DOK6: variants seen among roughly 807,000 people sequenced by gnomAD.
DOK6 encodes downstream of tyrosine kinase 6.
Under a neutral mutation model 44.0 loss-of-function variants are expected in DOK6, and 22 were observed. The ratio of observed to expected loss-of-function variants is 0.50; its 90% CI spans 0.36 to 0.71. The LOEUF is 0.71. Ranked by LOEUF, DOK6 falls within the 30% of genes least tolerant of loss-of-function variation. DOK6 has a pLI of 0.00. For synonymous variants in DOK6, 166 were observed against 145.5 expected, an observed-to-expected ratio of 1.14 and a Z score of -1.01; for missense variants, 340 against 416.4, an observed-to-expected ratio of 0.82 and a Z score of 1.60.
intron 7 of DOK6, among the ~76,000 whole-genome samples, chr18:69,820,421 T>C (rs1981535216): frequency 6.6e-6 from 1 of 152,186 alleles, no homozygotes; most frequent in Admixed American, 6.5e-5. Context: ...ACCAGTGGAC[T>C]TCAAGCAAGA....
At chr18:69,404,294 C>T (rs1916156243) in intron 1 of DOK6, among the ~76,000 whole-genome samples, 1 of 152,196 alleles carries the variant, frequency 6.6e-6, no homozygotes, top group South Asian at 2.1e-4. Context: ...AAGGCCCTTG[C>T]CCTGTGTCTC....
intron 4 of DOK6, among the ~76,000 whole-genome samples, chr18:69,680,436 T>G (rs1246672763): frequency 2.0e-5 from 3 of 152,258 alleles, no homozygotes; most frequent in African/African-American, 7.2e-5. Context: ...TCCATAACTT[T>G]TGATGATATC....
intron 7 of DOK6, among the ~76,000 whole-genome samples, chr18:69,774,155 T>TATATATATAA (rs1386335296): frequency 8.4e-6 from 1 of 118,400 alleles, no homozygotes; most frequent in Non-Finnish European, 1.9e-5. Context: ...TATATATATA[T>TATATATATAA]AATGTAATAC....
At chr18:69,444,401 T>G (rs758147019) in intron 1 of DOK6, among the ~76,000 whole-genome samples, 2 of 152,158 alleles carry the variant, frequency 1.3e-5, no homozygotes, top group Non-Finnish European at 2.9e-5. Flanking sequence ...GGGCACCATA[T>G]GGACTTGATT....
chr18:69,567,420 G>A (rs546133553), intron 2 of DOK6, among the ~76,000 whole-genome samples: 78 of 151,928 alleles, frequency 5.1e-4, no homozygotes, highest in Non-Finnish European at 6.2e-4. Flanking sequence ...TAACAAATTC[G>A]GTGATATAAA....
Position 69,734,146 on chromosome 18 carries a change from A to C in DOK6, c.600-4819A>C, listed in dbSNP as rs551889751. ...CAATGGAGGAAGATACATGGATTCA[A>C]ATTTTTTTTTTTCCAAATGACTACC... is the stretch of plus-strand genomic sequence containing the variant. On this transcript the variant is annotated intron_variant, in intron 5 of 7. Transcript: ENST00000382713. Among the ~76,000 whole-genome samples, 19 of 150,452 alleles carry C rather than the reference A, an allele frequency of 1.3e-4. No homozygotes were observed. The South Asian group carries it at 4.0e-3, about 32-fold the overall frequency.
intron 1 of DOK6, among the ~76,000 whole-genome samples, chr18:69,525,211 T>G (rs1568285310): frequency 6.6e-6 from 1 of 151,928 alleles, no homozygotes. Context: ...TTTTCTTTAT[T>G]ATGCATAATA....
intron 1 of DOK6, among the ~76,000 whole-genome samples, chr18:69,460,013 T>C (rs569243801): frequency 6.6e-6 from 1 of 152,344 alleles, no homozygotes; most frequent in African/African-American, 2.4e-5. Context: ...ATTAGTCGTT[T>C]TAATACTTAA....
At chr18:69,499,488 A>G (rs1599160529) in intron 1 of DOK6, among the ~76,000 whole-genome samples, 1 of 152,194 alleles carries the variant, frequency 6.6e-6, no homozygotes. Flanking sequence ...ACTTCAACAA[A>G]GGGCAGATTT....
At chr18:69,709,869 A>T (rs1599277275) in intron 5 of DOK6, among the ~76,000 whole-genome samples, 1 of 152,164 alleles carries the variant, frequency 6.6e-6, no homozygotes, top group Non-Finnish European at 1.5e-5. Context: ...TGGCCACTTG[A>T]TTTTTTAAAA....
intron 7 of DOK6, among the ~76,000 whole-genome samples, chr18:69,827,215 T>G (rs1981766558): frequency 6.6e-6 from 1 of 152,076 alleles, no homozygotes; most frequent in Non-Finnish European, 1.5e-5. Flanking sequence ...ATCCAATCTG[T>G]TTGGTAGAGT....
chr18:69,507,012 T>G (rs1981208896), intron 1 of DOK6, among the ~76,000 whole-genome samples: 1 of 152,040 alleles, frequency 6.6e-6, no homozygotes, highest in African/African-American at 2.4e-5. Context: ...TTGGTAATTA[T>G]AGGTTTTTGT....
chr18:69,447,485 A>G (rs1599135457), intron 1 of DOK6, among the ~76,000 whole-genome samples: 1 of 152,058 alleles, frequency 6.6e-6, no homozygotes, highest in Non-Finnish European at 1.5e-5. Flanking sequence ...AAGTCAGGTA[A>G]CGTGATGCCT....
intron 7 of DOK6, among the ~76,000 whole-genome samples, chr18:69,796,062 C>A (rs1980735974): frequency 6.6e-6 from 1 of 152,164 alleles, no homozygotes; most frequent in Admixed American, 6.6e-5. Context: ...ATTATCTGGG[C>A]AGCGGCAGTG....
At chr18:69,446,281 C>T (rs1374789085) in intron 1 of DOK6, among the ~76,000 whole-genome samples, 1 of 147,178 alleles carries the variant, frequency 6.8e-6, no homozygotes, top group African/African-American at 2.5e-5. Context: ...TGTTCAATTC[C>T]CACCTATGAG....
chr18:69,401,258 T>C lies in DOK6; in HGVS notation c.14T>C (p.Phe5Ser). The C allele has an allele frequency of 1.3e-6, 2 of 1,578,988 alleles. No homozygotes were observed. Among genetic ancestry groups the C allele is most frequent in the Non-Finnish European group, 1.7e-6 (2 of 1,163,522 alleles). ...ATCGCGCTGGCCATGGCCTCCAACT[T>C]TAACGACATAGTCAAGCAGGGCTAC... MASN[F>S]NDIVKQGYVK... Residue 5 changes from phenylalanine (F) to serine (S), a missense_variant, in exon 1 of 8, where the codon TTT (phenylalanine) becomes TCT (serine). Phe to Ser is a radical substitution (Grantham distance 155, BLOSUM62 -2). Transcript: ENST00000382713.
intron 1 of DOK6, among the ~76,000 whole-genome samples, chr18:69,456,174 A>C (rs1451596976): frequency 6.6e-6 from 1 of 152,126 alleles, no homozygotes; most frequent in African/African-American, 2.4e-5. Flanking sequence ...ATTATGTCAA[A>C]AATTAAGCCT....
intron 1 of DOK6, among the ~76,000 whole-genome samples, chr18:69,440,005 T>C (rs1568258257): frequency 6.6e-6 from 1 of 152,210 alleles, no homozygotes; most frequent in Non-Finnish European, 1.5e-5. Flanking sequence ...TTGTAGCTTT[T>C]GATTTTGAAG....
chr18:69,663,797 T>C (rs1169386748), intron 3 of DOK6, among the ~76,000 whole-genome samples: 1 of 152,204 alleles, frequency 6.6e-6, no homozygotes, highest in Admixed American at 6.5e-5. Flanking sequence ...ACTGTGTGAC[T>C]CTGGTGGCTG....
Sources: allele counts gnomAD v4.1 joint callset (sites outside exome capture counted in the v4.1 genomes callset), GRCh38; gene constraint gnomAD v4.1.1; transcripts MANE v1.5; gene names NCBI Gene and HGNC (gene_info 2026-07-23, HGNC 2026-07-21).